The following ZRANB3 variants were observed in gnomAD, a reference collection of about 807,000 sequenced individuals.
ZRANB3 encodes zinc finger RANBP2-type containing 3.
Under a neutral mutation model 133.8 loss-of-function variants are expected in ZRANB3, and 125 were observed. The ratio of observed to expected loss-of-function variants is 0.93; its 90% CI spans 0.81 to 1.08. The LOEUF (loss-of-function observed/expected upper bound fraction) is 1.08, where lower values mean the gene tolerates loss of function less well. ZRANB3 is among the 50% of genes least tolerant of loss of function. The pLI, the probability that ZRANB3 is intolerant of heterozygous loss-of-function variation, is 0.00. For missense variants in ZRANB3, 1,229 were observed against 1,275.5 expected (o/e 0.96, Z 0.56); for synonymous variants, 387 against 432.7 (o/e 0.89, Z 1.31).
Position 135,328,692 on chromosome 2 carries a change from A to T in ZRANB3, c.678-13162T>A, listed in dbSNP as rs78978037. Among the ~76,000 whole-genome samples the T allele has an allele frequency of 7.2e-5, 11 of 152,270 alleles. No homozygotes were observed. In the East Asian group the frequency reaches 1.9e-3, roughly 27 times the overall value. ...ACACTCCCACAAACACTGTAAAAACATTCCTATTTCTCCACGTCTTCTCCA... is the reference window on the plus strand; with the variant it reads ...ACACTCCCACAAACACTGTAAAAACTTTCCTATTTCTCCACGTCTTCTCCA... On this transcript the variant is annotated intron_variant, in intron 6 of 20. Coordinates refer to ENST00000264159, the MANE Select transcript of ZRANB3 (RefSeq NM_032143.4).
intron 8 of ZRANB3, among the ~76,000 whole-genome samples, chr2:135,313,275 C>G (rs1683090198): frequency 6.6e-6 from 1 of 150,648 alleles, no homozygotes. Flanking sequence ...ATGGCTTGAA[C>G]CTGGGAGGCG....
intron 2 of ZRANB3, among the ~76,000 whole-genome samples, chr2:135,391,830 C>T (rs978485985): frequency 3.9e-5 from 6 of 152,134 alleles, no homozygotes; most frequent in Admixed American, 6.5e-5. Flanking sequence ...CCACCCACCT[C>T]GGCCTCCCAA....
intron 1 of ZRANB3, among the ~76,000 whole-genome samples, chr2:135,516,833 G>A (rs1343680281): frequency 6.6e-6 from 1 of 152,080 alleles, no homozygotes; most frequent in African/African-American, 2.4e-5. Flanking sequence ...TGCTAGGTTG[G>A]GGAAGTTTTC....
intron 1 of ZRANB3, among the ~76,000 whole-genome samples, chr2:135,527,474 A>T (rs1053330153): frequency 2.0e-5 from 3 of 152,030 alleles, no homozygotes; most frequent in Non-Finnish European, 2.9e-5. Context: ...CAGGAGAATC[A>T]CTTGAACCCA....
chr2:135,204,139 A>T (rs1245769833), intron 19 of ZRANB3, among the ~76,000 whole-genome samples: 2 of 152,224 alleles, frequency 1.3e-5, no homozygotes, highest in Non-Finnish European at 2.9e-5. Flanking sequence ...ATGAGGAGTC[A>T]CAAGAGGCAA....
intron 8 of ZRANB3, among the ~76,000 whole-genome samples, chr2:135,285,848 G>A (rs183991058): frequency 6.6e-6 from 1 of 152,214 alleles, no homozygotes; most frequent in East Asian, 1.9e-4. Flanking sequence ...TTTTCTAGGA[G>A]AATATTATGC....
intron 2 of ZRANB3, among the ~76,000 whole-genome samples, chr2:135,451,629 C>T (rs1056043076): frequency 6.6e-6 from 1 of 150,608 alleles, no homozygotes; most frequent in Non-Finnish European, 1.5e-5. Flanking sequence ...CTAATAAAAA[C>T]AGAAACAAAA....
intron 1 of ZRANB3, among the ~76,000 whole-genome samples, chr2:135,509,125 G>A (rs1256351019): frequency 1.3e-5 from 2 of 150,800 alleles, no homozygotes; most frequent in East Asian, 1.9e-4. Context: ...CAATGAAAGA[G>A]AATCATAACA....
chr2:135,269,156 G>C lies in ZRANB3; in HGVS notation c.1207-15C>G, dbSNP rs370862764. ...AATGTTAATCCCTAAGTGAAATAAA[G>C]CAAATAAATTGAGAATGTAACATAC... On this transcript the variant is annotated splice_polypyrimidine_tract_variant and intron_variant, in intron 10 of 20. Coordinates refer to ENST00000264159, the MANE Select transcript of ZRANB3 (RefSeq NM_032143.4). 6.3e-6 allele frequency: 10 copies of C among 1,576,460 alleles called. No individual in the cohort carries two copies. The highest frequency in any genetic ancestry group is 5.7e-5 in the Admixed American group (3 of 52,608).
intron 12 of ZRANB3, among the ~76,000 whole-genome samples, chr2:135,262,394 T>C (rs912997007): frequency 2.6e-5 from 4 of 152,104 alleles, no homozygotes; most frequent in Admixed American, 2.0e-4. Flanking sequence ...ATCAGAAAAA[T>C]GTAAATATTA....
intron 2 of ZRANB3, among the ~76,000 whole-genome samples, chr2:135,468,482 A>C (rs1018857196): frequency 6.6e-6 from 1 of 152,220 alleles, no homozygotes; most frequent in African/African-American, 2.4e-5. Flanking sequence ...TGACATCTAC[A>C]CAATGTAACA....
intron 3 of ZRANB3, among the ~76,000 whole-genome samples, chr2:135,377,641 T>G (rs1335455144): frequency 6.6e-6 from 1 of 152,192 alleles, no homozygotes; most frequent in Non-Finnish European, 1.5e-5. Flanking sequence ...GAATTTTAAC[T>G]CAAAGTATAC....
Position 135,292,988 on chromosome 2 carries a change from G to C in ZRANB3, c.967-17233C>G, listed in dbSNP as rs1258714798. ...TTGGTACCAGTACCATGCTGTTTTG[G>C]TTACTGTAGCCTTGTAGTATAGCTT... On this transcript the variant is annotated intron_variant, in intron 8 of 20. Coordinates refer to ENST00000264159, the MANE Select transcript of ZRANB3 (RefSeq NM_032143.4). 5.3e-5 allele frequency among the ~76,000 whole-genome samples: 8 copies of C among 152,034 alleles called. No homozygotes were observed. In the East Asian group the frequency reaches 1.5e-3, roughly 29 times the overall value.
At chr2:135,236,044 G>A (rs1278823756) in intron 12 of ZRANB3, among the ~76,000 whole-genome samples, 6 of 152,084 alleles carry the variant, frequency 3.9e-5, no homozygotes, top group African/African-American at 7.2e-5. Context: ...AAACCCCATC[G>A]TCTCAGCCCA....
At chr2:135,404,258 G>C (rs1449943962) in intron 2 of ZRANB3, among the ~76,000 whole-genome samples, 1 of 152,184 alleles carries the variant, frequency 6.6e-6, no homozygotes, top group Non-Finnish European at 1.5e-5. Flanking sequence ...GTCCTTAAAG[G>C]ACCTGATGGT....
intron 8 of ZRANB3, among the ~76,000 whole-genome samples, chr2:135,290,622 T>A (rs943792509): frequency 2.6e-5 from 4 of 152,240 alleles, no homozygotes; most frequent in African/African-American, 4.8e-5. Flanking sequence ...TGTGAGGTAC[T>A]ATTCTATTAA....
intron 2 of ZRANB3, among the ~76,000 whole-genome samples, chr2:135,403,235 A>T (rs183221582): frequency 6.6e-6 from 1 of 152,276 alleles, no homozygotes; most frequent in East Asian, 1.9e-4. Flanking sequence ...GGCACCTGGA[A>T]CATCAGGTCC....
intron 8 of ZRANB3, among the ~76,000 whole-genome samples, chr2:135,296,573 C>T (rs1682119059): frequency 6.6e-6 from 1 of 152,118 alleles, no homozygotes; most frequent in African/African-American, 2.4e-5. Flanking sequence ...GCCTTCTTCT[C>T]TCAACTCGTC....
At chr2:135,523,026 C>T (rs1411055429) in intron 1 of ZRANB3, among the ~76,000 whole-genome samples, 1 of 152,136 alleles carries the variant, frequency 6.6e-6, no homozygotes, top group Non-Finnish European at 1.5e-5. Context: ...TATCTAATTA[C>T]CTACCTGACA....
Sources: gnomAD v4.1 joint callset for allele counts (sites outside exome capture counted in the v4.1 genomes callset) on GRCh38, gnomAD v4.1.1 for gene constraint, MANE v1.5 for transcripts, NCBI Gene and HGNC (gene_info 2026-07-23, HGNC 2026-07-21) for gene names.